The following STK10 variants were observed in gnomAD, a reference collection of about 807,000 sequenced individuals.
STK10 encodes the protein serine/threonine kinase 10, also known as serine/threonine-protein kinase 10.
Under a neutral mutation model 113.8 loss-of-function variants are expected in STK10, and 78 were observed. That is an observed-to-expected ratio of 0.69 (90% CI 0.57 to 0.83). The LOEUF (loss-of-function observed/expected upper bound fraction) is 0.83, where lower values mean the gene tolerates loss of function less well. Ranked by LOEUF, STK10 falls within the 40% of genes least tolerant of loss-of-function variation. The probability of loss-of-function intolerance (pLI) is 0.00; values close to 1 mark genes in which losing one functional copy is unlikely to be tolerated. For missense variants in STK10, 1,109 were observed against 1,280.1 expected (o/e 0.87, Z 2.04); for synonymous variants, 465 against 494.7 (o/e 0.94, Z 0.80).
At chr5:172,075,883 G>A (rs548934552) in intron 12 of STK10, among the ~76,000 whole-genome samples, 2 of 152,166 alleles carry the variant, frequency 1.3e-5, no homozygotes, top group Non-Finnish European at 2.9e-5. Flanking sequence ...CTTGTACCTC[G>A]TTGTGATGTA....
chr5:172,166,058 G>A (rs1049129518), intron 1 of STK10, among the ~76,000 whole-genome samples: 4 of 152,224 alleles, frequency 2.6e-5, no homozygotes, highest in Non-Finnish European at 2.9e-5. Flanking sequence ...CTCCCAAAGC[G>A]CAGGGATTAC....
rs892655662 is a variant in STK10, at chr5:172,079,551, T to A, written c.1989+2775A>T. Among the ~76,000 whole-genome samples, 5 of 140,800 alleles carry A rather than the reference T, an allele frequency of 3.6e-5. No individual in the cohort carries two copies. The South Asian group carries it at 1.1e-3, about 30-fold the overall frequency. 92.4% of individuals were successfully genotyped at this position (140,800 alleles called of 152,430 possible). ...AAATTAATAGAATATATACATATAT[T>A]TATTTATTTATTTATTTATTTATTT... On this transcript the variant is annotated intron_variant, in intron 12 of 18. Coordinates refer to ENST00000176763, the MANE Select transcript of STK10 (RefSeq NM_005990.4).
chr5:172,063,426 C>T (rs894551019), intron 13 of STK10: 3 of 152,078 alleles, frequency 2.0e-5, no homozygotes, highest in Non-Finnish European at 4.4e-5. Flanking sequence ...TTTTAAATAG[C>T]GCTACTTCAT....
At chr5:172,165,352 C>G (rs147768220) in intron 1 of STK10, among the ~76,000 whole-genome samples, 53 of 152,366 alleles carry the variant, frequency 3.5e-4, no homozygotes, top group Non-Finnish European at 1.5e-4. Context: ...AGGGTCCCAT[C>G]TGTGACACTT....
chr5:172,161,038 C>T (rs1770459380), intron 1 of STK10, among the ~76,000 whole-genome samples: 1 of 152,214 alleles, frequency 6.6e-6, no homozygotes. Context: ...TCTCCCTGGC[C>T]AGCTCAAAGT....
At chr5:172,098,541 G>A (rs968680958) in intron 7 of STK10, among the ~76,000 whole-genome samples, 2 of 152,208 alleles carry the variant, frequency 1.3e-5, no homozygotes, top group Non-Finnish European at 2.9e-5. Context: ...GAGCCACAGA[G>A]ACTGTCCTCA....
chr5:172,149,307 T>C (rs1770154922), intron 2 of STK10, among the ~76,000 whole-genome samples: 1 of 152,206 alleles, frequency 6.6e-6, no homozygotes, highest in Admixed American at 6.5e-5. Context: ...TCCTTCCTTT[T>C]GTTACCACCC....
Position 172,093,734 on chromosome 5 carries a change from C to T in STK10, c.1232G>A (p.Arg411Gln), listed in dbSNP as rs776362156. Reference protein sequence around the residue: ...ENGLAVPVPLRKSRPVSMDAR... With the variant: ...ENGLAVPVPLQKSRPVSMDAR... ...ATCCATTGACACGGGTCGGGACTTC[C>T]GCAGGGGCACAGGCACTGCCAGGCC... Residue 411 changes from arginine to glutamine, a missense_variant, in exon 9 of 19, where the codon CGG becomes CAG. Around this residue, in one of 5 missense-constraint regions of STK10, gnomAD observed 885 missense variants for 991.1 expected, o/e 0.89. Coordinates refer to ENST00000176763, the MANE Select transcript of STK10 (RefSeq NM_005990.4). The surrounding 1 kb of genome is among the most constrained non-coding windows in gnomAD (Gnocchi z 4.1). The T allele has an allele frequency of 1.1e-5, 18 of 1,613,794 alleles. No individual in the cohort carries two copies. The highest frequency in any genetic ancestry group is 2.2e-5 in the East Asian group (1 of 44,870).
intron 1 of STK10, among the ~76,000 whole-genome samples, chr5:172,172,050 C>T (rs1262704632): frequency 6.6e-6 from 1 of 152,064 alleles, no homozygotes; most frequent in African/African-American, 2.4e-5. Flanking sequence ...ATTAGCCAGG[C>T]ATGGTGGCAC....
rs1210061529 is a variant in STK10 at position 172,187,090 on chromosome 5, C to G, written c.156+797G>C. Among the ~76,000 whole-genome samples the G allele has an allele frequency of 6.6e-6, 1 of 152,142 alleles. No homozygotes were observed. The highest frequency in any genetic ancestry group is 2.4e-5 in the African/African-American group (1 of 41,420). Reference sequence around the variant, plus strand: ...GGTGTTGGCTCCCTAAAACAACTCACCACCTCAGAATTAGCTCCCAGGAGC... The same window carrying G: ...GGTGTTGGCTCCCTAAAACAACTCAGCACCTCAGAATTAGCTCCCAGGAGC... On this transcript the variant is annotated intron_variant, in intron 1 of 18. Transcript: ENST00000176763. This position sits in a 1 kb window ranked among gnomAD's most constrained non-coding sequence, Gnocchi z 4.6.
chr5:172,056,935 A>AAAAGAAAGAAAGAAGGAAAGAAAGAAAG lies in STK10; in HGVS notation c.2337+413_2337+414insCTTTCTTTCTTTCCTTCTTTCTTTCTTT, dbSNP rs1561789886. ...GAAAGAAAGAAGGAAGGAAGGAAAG[A>AAAAGAAAGAAAGAAGGAAAGAAAGAAAG]AAAGAAAGAAAGAAAGAAGGAAAGA... On this transcript the variant is annotated intron_variant, in intron 15 of 18. Coordinates refer to ENST00000176763, the MANE Select transcript of STK10 (RefSeq NM_005990.4). 2 of 102,652 alleles carry AAAAGAAAGAAAGAAGGAAAGAAAGAAAG rather than the reference A, an allele frequency of 1.9e-5. 1 individual carries two copies. Among genetic ancestry groups the AAAAGAAAGAAAGAAGGAAAGAAAGAAAG allele is most frequent in the African/African-American group, 8.4e-5 (2 of 23,734 alleles). The allele number at this position is 102,652 out of a possible 1,614,324, so 6.4% of individuals were successfully genotyped here. A position where few individuals can be genotyped will look rare whatever the true frequency, so the allele number is the denominator to read the frequency against.
intron 3 of STK10, among the ~76,000 whole-genome samples, chr5:172,117,968 G>A (rs938515848): frequency 1.3e-4 from 18 of 135,900 alleles, no homozygotes; most frequent in African/African-American, 4.6e-4. Context: ...AGCTGAGATC[G>A]TACCACTGCA....
rs146951009 is a variant in STK10 at position 172,127,744 on chromosome 5, G to A, written c.322-323C>T. 9.6e-3 allele frequency among the ~76,000 whole-genome samples: 1,457 copies of A among 152,300 alleles called. 9 individuals are homozygous for A. The highest frequency in any genetic ancestry group is 0.015 in the Non-Finnish European group (1,013 of 68,030). ...CCTCCCTCCTCGCTCCCGCCTATGC[G>A]CCTGGTGCCCACCTGCCAGCTGCCC... On this transcript the variant is annotated intron_variant, in intron 2 of 18. Coordinates refer to ENST00000176763, the MANE Select transcript of STK10 (RefSeq NM_005990.4).
intron 18 of STK10, among the ~76,000 whole-genome samples, chr5:172,049,606 G>A (rs550044901): frequency 1.7e-4 from 26 of 151,804 alleles, no homozygotes; most frequent in Admixed American, 2.0e-4. Context: ...GGCCCAAAAC[G>A]CTTTCTGGGG....
At chr5:172,075,599 C>T (rs2113721246) in intron 12 of STK10, among the ~76,000 whole-genome samples, 2 of 152,130 alleles carry the variant, frequency 1.3e-5, no homozygotes, top group East Asian at 3.8e-4. Context: ...ATCGCTTGAA[C>T]CTGGAAGGTG....
chr5:172,056,938 A>C (rs1333416639), intron 15 of STK10: 1 of 67,452 alleles, frequency 1.5e-5, no homozygotes, highest in African/African-American at 8.4e-5. Context: ...AGGAAAGAAA[A>C]GAAAGAAAGA....
intron 18 of STK10, 130 bp from the exon 19 acceptor site, chr5:172,045,152 C>A: frequency 7.4e-7 from 1 of 1,359,498 alleles, no homozygotes; most frequent in African/African-American, 1.4e-5. Flanking sequence ...GCTTGAGAAA[C>A]TACGGCTTCC....
intron 2 of STK10, among the ~76,000 whole-genome samples, chr5:172,155,497 CA>C (rs59148440): frequency 0.26 from 23,827 of 92,572 alleles, 1,813 homozygotes; most frequent in East Asian, 0.36. Flanking sequence ...GACTCCATCT[CA>C]AAAAAAAAAA....
At chr5:172,174,042 A>G (rs1245058814) in intron 1 of STK10, among the ~76,000 whole-genome samples, 3 of 152,064 alleles carry the variant, frequency 2.0e-5, no homozygotes, top group African/African-American at 7.2e-5. Flanking sequence ...CATAACCACA[A>G]TGCGGCCTCC....
Sources: allele counts gnomAD v4.1 joint callset (sites outside exome capture counted in the v4.1 genomes callset), GRCh38; gene constraint gnomAD v4.1.1; regional missense constraint gnomAD v4.1.1; non-coding constraint Gnocchi (gnomAD v3.1); transcripts MANE v1.5; gene names NCBI Gene and HGNC (gene_info 2026-07-23, HGNC 2026-07-21).